PARP9: variants seen among roughly 807,000 people sequenced by gnomAD.
The protein encoded by PARP9 is protein mono-ADP-ribosyltransferase PARP9.
PARP9 carries 48 observed loss-of-function variants against 68.8 expected under a neutral mutation model. The observed-to-expected ratio is 0.70, with a 90% confidence interval of 0.55 to 0.89. The LOEUF is 0.89. Ranked by LOEUF, PARP9 falls within the 40% of genes least tolerant of loss-of-function variation. PARP9 has a pLI of 0.00. For synonymous variants in PARP9, 309 were observed against 333.8 expected, an observed-to-expected ratio of 0.93 and a Z score of 0.81; for missense variants, 806 against 969.3, an observed-to-expected ratio of 0.83 and a Z score of 2.24.
intron 5 of PARP9, 48 bp downstream of exon 5, chr3:122,552,370 C>G (rs1293269863): frequency 7.6e-7 from 1 of 1,310,138 alleles, no homozygotes; most frequent in Admixed American, 2.1e-5. Flanking sequence ...AAAAAAAAGA[C>G]TGTATAGACT....
At chr3:122,539,983 T>TA (rs2078067145) in intron 8 of PARP9, among the ~76,000 whole-genome samples, 1 of 152,236 alleles carries the variant, frequency 6.6e-6, no homozygotes, top group African/African-American at 2.4e-5. Flanking sequence ...GAATGGGAGA[T>TA]ACTTGAGTGT....
In PARP9 at chr3:122,545,471, C is replaced by T. The variant is rs1357250181; in HGVS notation, c.1345G>A (p.Ala449Thr). The change falls in exon 7 of 11, where the codon GCA (alanine) becomes ACA (threonine). Residue 449 changes from alanine (A) to threonine (T), a missense_variant. Around this residue, in one of 2 missense-constraint regions of PARP9, gnomAD observed 680 missense variants for 858.8 expected, o/e 0.79. Transcript: ENST00000682323. Reference sequence around the variant, plus strand: ...AAACTCAGCATCTTGGACCTCTTTGCCATTTCAGAACTGAAAGCCTACAAG... The same window carrying T: ...AAACTCAGCATCTTGGACCTCTTTGTCATTTCAGAACTGAAAGCCTACAAG... The part of the protein sequence containing the change: ...EIYKAFSSEM[A>T]KRSKMLSLNN... 5.6e-6 allele frequency: 9 copies of T among 1,614,042 alleles called. No individual in the cohort carries two copies. The Admixed American group carries it at 1.5e-4, about 27-fold the overall frequency.
intron 8 of PARP9, among the ~76,000 whole-genome samples, chr3:122,538,877 T>C (rs1375692575): frequency 6.6e-6 from 1 of 152,002 alleles, no homozygotes; most frequent in Non-Finnish European, 1.5e-5. Flanking sequence ...TTTGCCACTG[T>C]GTTTTCTGTG....
intron 9 of PARP9, 53 bp downstream of exon 9, chr3:122,536,881 A>G (rs2077684391): frequency 6.4e-7 from 1 of 1,567,384 alleles, no homozygotes; most frequent in Non-Finnish European, 8.6e-7. Flanking sequence ...TGGCTACAGA[A>G]ACAAGTTAAT....
At chr3:122,557,067 C>T (rs1268233542) in intron 3 of PARP9, among the ~76,000 whole-genome samples, 1 of 152,188 alleles carries the variant, frequency 6.6e-6, no homozygotes, top group Non-Finnish European at 1.5e-5. Flanking sequence ...CTCCTGATTT[C>T]AAGCAATCTG....
At position 122,536,993 on chromosome 3, in the gene PARP9, T is replaced by C. The variant is rs6780543; in HGVS notation, c.1846A>G (p.Thr616Ala). 3.3e-3 allele frequency: 5,344 copies of C among 1,613,946 alleles called. 171 individuals carry two copies. In the African/African-American group the frequency reaches 0.065, roughly 20 times the overall value. The change falls in exon 9 of 11, where the codon ACT (threonine) becomes GCT (alanine). Residue 616 changes from threonine (T) to alanine (A), a missense_variant. Physicochemically the swap from Thr to Ala is moderately conservative, Grantham distance 58. Transcript: ENST00000682323. The stretch of plus-strand genomic sequence containing the variant: ...TTCTTTTGATCTAGAAGCTCTTGAG[T>C]TGGAGGCACAGGACATTTCAGAAAT... The part of the protein sequence containing the change: ...IIFLKCPVPP[T>A]QELLDQKKQF...
At chr3:122,532,389 TC>T in intron 10 of PARP9, 1 of 984,690 alleles carries the variant, frequency 1.0e-6, no homozygotes, top group Non-Finnish European at 1.2e-6. Context: ...CAGACAACCC[TC>T]CCCACAATGC....
intron 1 of PARP9, among the ~76,000 whole-genome samples, chr3:122,561,025 T>C (rs1376176217): frequency 3.3e-5 from 5 of 152,196 alleles, no homozygotes; most frequent in African/African-American, 1.2e-4. Context: ...CTTCCCAACT[T>C]TCCATCACTG....
intron 7 of PARP9, 46 bp from the exon 8 acceptor site, chr3:122,540,898 G>GT (rs200685111): frequency 0.14 from 205,336 of 1,436,280 alleles, 6,043 homozygotes; most frequent in Middle Eastern, 0.27. Context: ...GCAGTTTTTT[G>GT]TTTTTTTTTT....
chr3:122,546,540 A>G (rs183724366), intron 6 of PARP9, among the ~76,000 whole-genome samples: 3 of 152,318 alleles, frequency 2.0e-5, no homozygotes, highest in Admixed American at 2.0e-4. Context: ...TCTCACTACA[A>G]CTTATTTAGG....
intron 1 of PARP9, among the ~76,000 whole-genome samples, chr3:122,563,947 G>A (rs2080461581): frequency 6.6e-6 from 1 of 152,102 alleles, no homozygotes; most frequent in Non-Finnish European, 1.5e-5. Flanking sequence ...AGAGTTGGAG[G>A]GAGGGAAGGG....
At chr3:122,547,971 T>C (rs572356553) in intron 6 of PARP9, among the ~76,000 whole-genome samples, 1 of 152,300 alleles carries the variant, frequency 6.6e-6, no homozygotes, top group Admixed American at 6.5e-5. Flanking sequence ...ACAGGATTAT[T>C]CATTTTATCA....
intron 6 of PARP9, among the ~76,000 whole-genome samples, chr3:122,547,967 T>G (rs1432815423): frequency 6.6e-6 from 1 of 152,202 alleles, no homozygotes; most frequent in Non-Finnish European, 1.5e-5. Flanking sequence ...AAGGACAGGA[T>G]TATTCATTTT....
intron 1 of PARP9, among the ~76,000 whole-genome samples, chr3:122,562,158 C>CTTTTCTT (rs147706232): frequency 0.24 from 14,695 of 62,074 alleles, 872 homozygotes; most frequent in East Asian, 0.45. Flanking sequence ...GCAATATACT[C>CTTTTCTT]TTTTCTTTTC....
intron 6 of PARP9, 163 bp from the exon 7 acceptor site, chr3:122,545,652 G>C (rs1248895960): frequency 1.6e-6 from 1 of 637,560 alleles, no homozygotes; most frequent in Non-Finnish European, 2.8e-6. Context: ...CCAGAGAAGA[G>C]GACCTCAGTC....
intron 6 of PARP9, among the ~76,000 whole-genome samples, chr3:122,549,658 G>A (rs1037475093): frequency 5.3e-5 from 8 of 152,028 alleles, no homozygotes; most frequent in African/African-American, 1.9e-4. Flanking sequence ...GCATGTGCCT[G>A]TAGTGCCTGC....
At chr3:122,544,503 T>C (rs2078534260) in intron 7 of PARP9, among the ~76,000 whole-genome samples, 1 of 152,116 alleles carries the variant, frequency 6.6e-6, no homozygotes, top group South Asian at 2.1e-4. Context: ...GCCAGGCCAC[T>C]GAACATTCCA....
At chr3:122,553,213 T>G (rs1277903454) in intron 4 of PARP9, among the ~76,000 whole-genome samples, 1 of 151,948 alleles carries the variant, frequency 6.6e-6, no homozygotes, top group Non-Finnish European at 1.5e-5. Context: ...CACCCACCCA[T>G]CTTATGTGCA....
chr3:122,558,469 T>G lies in PARP9; in HGVS notation c.16-2A>C. Reference sequence around the variant, plus strand: ...ATTGTAAGCTGCTGCTCCGGCCACCTGTGAAAAATGAGAATGGCTTTCTTA... The same window carrying G: ...ATTGTAAGCTGCTGCTCCGGCCACCGGTGAAAAATGAGAATGGCTTTCTTA... On this transcript the variant is annotated splice_acceptor_variant, in intron 2 of 10. Transcript: ENST00000682323. LOFTEE classifies it high-confidence loss of function. The G allele has an allele frequency of 6.2e-7, 1 of 1,613,674 alleles. No individual in the cohort carries two copies.
Sources: gnomAD v4.1 joint callset for allele counts (sites outside exome capture counted in the v4.1 genomes callset) on GRCh38, gnomAD v4.1.1 for gene constraint, gnomAD v4.1.1 regional missense constraint, MANE v1.5 for transcripts, NCBI Gene and HGNC (gene_info 2026-07-23, HGNC 2026-07-21) for gene names.